ERBB2: variants seen among roughly 807,000 people sequenced by gnomAD.
ERBB2 encodes the protein erb-b2 receptor tyrosine kinase 2, also known as receptor tyrosine-protein kinase erbB-2.
In ERBB2, 61 loss-of-function variants were observed where a neutral mutation model predicts 149.0. The ratio of observed to expected loss-of-function variants is 0.41; its 90% CI spans 0.33 to 0.51. The LOEUF is 0.51. ERBB2 is among the 20% of genes least tolerant of loss of function. The pLI is 0.25. For missense variants in ERBB2, 1,205 were observed against 1,655.1 expected, an observed-to-expected ratio of 0.73 and a Z score of 4.72; for synonymous variants, 633 against 678.8, an observed-to-expected ratio of 0.93 and a Z score of 1.05.
intron 3 of ERBB2, 69 bp from the exon 4 acceptor site, chr17:39,709,248 AG>A (rs571276296): frequency 8.5e-5 from 134 of 1,577,792 alleles, no homozygotes; most frequent in Middle Eastern, 3.4e-4. Flanking sequence ...TTTAGAAGGC[AG>A]GAGGGCCCCA....
upstream of ERBB2, chr17:39,699,474 AG>A: frequency 7.3e-7 from 1 of 1,378,682 alleles, no homozygotes; most frequent in Non-Finnish European, 9.7e-7. Flanking sequence ...AAAAAAAAAA[AG>A]TCCTTTCGAT....
chr17:39,724,032 T>A (rs1324237089), intron 19 of ERBB2, 22 bp downstream of exon 19: 1 of 1,565,402 alleles, frequency 6.4e-7, no homozygotes, highest in Admixed American at 1.7e-5. Context: ...CACCCTCTCC[T>A]GCTAGGAGGA....
intron 7 of ERBB2, 113 bp from the exon 8 acceptor site, chr17:39,711,815 G>GCC: frequency 7.9e-7 from 1 of 1,259,484 alleles, no homozygotes; most frequent in Non-Finnish European, 1.1e-6. Flanking sequence ...ATGCGTGGTA[G>GCC]GGCATTTAAG....
chr17:39,713,810 C>CT (rs1286991348), intron 9 of ERBB2, among the ~76,000 whole-genome samples: 2 of 149,544 alleles, frequency 1.3e-5, no homozygotes, highest in Non-Finnish European at 3.0e-5. Flanking sequence ...AATCCCAGCA[C>CT]TTTGGGAGGC....
chr17:39,705,787 G>T (rs2058391049), intron 1 of ERBB2, among the ~76,000 whole-genome samples: 1 of 152,168 alleles, frequency 6.6e-6, no homozygotes, highest in East Asian at 1.9e-4. Flanking sequence ...CAGTGCCTCT[G>T]GTGTCAGACC....
At chr17:39,724,073 C>A in intron 19 of ERBB2, 63 bp downstream of exon 19, 2 of 1,168,196 alleles carry the variant, frequency 1.7e-6, no homozygotes, top group Non-Finnish European at 2.5e-6. Flanking sequence ...CAGGTCTGGG[C>A]TCTGGTCTCT....
intron 16 of ERBB2, among the ~76,000 whole-genome samples, chr17:39,720,513 C>T (rs1218843416): frequency 6.6e-6 from 1 of 152,090 alleles, no homozygotes; most frequent in Non-Finnish European, 1.5e-5. Flanking sequence ...CTTAGGCGAT[C>T]ATCGGTCCGT....
Position 39,723,607 on chromosome 17 carries a change from G to C in ERBB2, c.2155G>C (p.Glu719Gln), listed in dbSNP as rs967815855. The C allele has an allele frequency of 6.2e-7, 1 of 1,607,818 alleles. No individual in the cohort carries two copies. Among genetic ancestry groups the C allele is most frequent in the Non-Finnish European group, 8.5e-7 (1 of 1,177,100 alleles). ...GCAGATGCGGATCCTGAAAGAGACG[G>C]AGCTGAGGAAGGTGAAGGTGCTTGG... is the stretch of plus-strand genomic sequence containing the variant. ...QAQMRILKET[E>Q]LRKVKVLGSG... The change falls in exon 18 of 27, where the codon GAG becomes CAG. Residue 719 changes from glutamate (E) to glutamine (Q), a missense_variant. Physicochemically the swap from Glu to Gln is conservative, Grantham distance 29. Coordinates refer to ENST00000269571, the MANE Select transcript of ERBB2 (RefSeq NM_004448.4). The surrounding 1 kb of genome is among the most constrained non-coding windows in gnomAD (Gnocchi z 6.2).
Position 39,716,593 on chromosome 17 carries a change from C to T in ERBB2, c.1725C>T (p.Thr575=), listed in dbSNP as rs780703792. 6.9e-5 allele frequency: 112 copies of T among 1,614,014 alleles called. No individual in the cohort carries two copies. The highest frequency in any genetic ancestry group is 3.6e-4 in the South Asian group (33 of 91,080). ...GTCAGCCCCAGAATGGCTCAGTGAC[C>T]TGTTTTGGACCGGTGAGCTGCTGGC... ...PECQPQNGSV[T]CFGPEADQCV... Residue 575 remains threonine (T), a synonymous_variant, in exon 14 of 27, where the codon ACC becomes ACT. Coordinates refer to ENST00000269571, the MANE Select transcript of ERBB2 (RefSeq NM_004448.4).
upstream of ERBB2, among the ~76,000 whole-genome samples, chr17:39,696,177 C>T (rs531236967): frequency 2.2e-4 from 33 of 152,218 alleles, no homozygotes; most frequent in Non-Finnish European, 4.6e-4. Flanking sequence ...CCCCTGCCCC[C>T]CTTCCTCTCC....
intron 8 of ERBB2, 48 bp from the exon 9 acceptor site, chr17:39,712,274 G>A (rs771896334): frequency 6.2e-7 from 1 of 1,611,590 alleles, no homozygotes; most frequent in East Asian, 2.2e-5. Flanking sequence ...ACCTGTCCCG[G>A]TATGAAGGCT....
At chr17:39,717,056 T>G in intron 14 of ERBB2, 1 of 480,910 alleles carries the variant, frequency 2.1e-6, no homozygotes, top group Non-Finnish European at 3.7e-6. Flanking sequence ...TTACTCGCTG[T>G]TACACCTTAG....
At chr17:39,713,608 C>T (rs940931957) in intron 9 of ERBB2, among the ~76,000 whole-genome samples, 19 of 151,726 alleles carry the variant, frequency 1.3e-4, no homozygotes, top group African/African-American at 3.9e-4. Context: ...AAAAAATTAG[C>T]CAGGCTTCCT....
chr17:39,699,210 AG>A (rs1224113493), upstream of ERBB2, among the ~76,000 whole-genome samples: 1 of 152,210 alleles, frequency 6.6e-6, no homozygotes, highest in East Asian at 1.9e-4. Context: ...TTGTAATTCC[AG>A]CACTTTGGGA....
At chr17:39,706,159 C>G (rs1407808096) in intron 1 of ERBB2, among the ~76,000 whole-genome samples, 1 of 152,186 alleles carries the variant, frequency 6.6e-6, no homozygotes, top group Admixed American at 6.5e-5. Context: ...GCCCTATGCC[C>G]CATGGCTGAT....
chr17:39,695,704 TACACACACACACAC>T (rs56249643), upstream of ERBB2, among the ~76,000 whole-genome samples: 1,081 of 96,660 alleles, frequency 0.011, 18 homozygotes, highest in African/African-American at 0.035. Flanking sequence ...GGTGCATGCA[TACACACACACACAC>T]ACACACACAC....
chr17:39,691,072 C>T (rs1188943023), upstream of ERBB2, among the ~76,000 whole-genome samples: 2 of 151,684 alleles, frequency 1.3e-5, no homozygotes, highest in African/African-American at 4.8e-5. Context: ...GCTAAAGGCT[C>T]AACGGCAAGC....
In ERBB2 at chr17:39,716,448, GGA is replaced by G. The variant is rs781538840; in HGVS notation, c.1646+19_1646+20del. The G allele has an allele frequency of 1.1e-5, 17 of 1,612,780 alleles. No individual in the cohort carries two copies. In the African/African-American group the frequency reaches 1.7e-4, roughly 16 times the overall value. ...GTACTGCAGGGGTATGAGGGGCGGA[GGA>G]GAGGGTGGCTGGAGGGGTGCATGGG... On this transcript the variant is annotated intron_variant, in intron 13 of 26. Transcript: ENST00000269571.
At position 39,727,695 on chromosome 17, in the gene ERBB2, T is replaced by C. The variant is rs2059856335; in HGVS notation, c.3419T>C (p.Val1140Ala). ...CCTTCTCTTGACCTTTCAGAATATG[T>C]GAACCAGCCAGATGTTCGGCCCCAG... Reference protein sequence around the residue: ...PLTCSPQPEYVNQPDVRPQPP... With the variant: ...PLTCSPQPEYANQPDVRPQPP... Residue 1140 changes from valine to alanine, a missense_variant, in exon 27 of 27, where the codon GTG becomes GCG. By Grantham distance (64) the Val-to-Ala change is moderately conservative. Transcript: ENST00000269571. The surrounding 1 kb of genome is among the most constrained non-coding windows in gnomAD (Gnocchi z 4.3). The C allele has an allele frequency of 6.5e-7, 1 of 1,549,104 alleles. No individual in the cohort carries two copies. The highest frequency in any genetic ancestry group is 1.2e-5 in the South Asian group (1 of 81,594).
Sources: gnomAD v4.1 joint callset for allele counts (sites outside exome capture counted in the v4.1 genomes callset) on GRCh38, gnomAD v4.1.1 for gene constraint, Gnocchi (gnomAD v3.1) non-coding constraint, MANE v1.5 for transcripts, NCBI Gene and HGNC (gene_info 2026-07-23, HGNC 2026-07-21) for gene names.